FER: variants seen among roughly 807,000 people sequenced by gnomAD.
FER encodes the protein FER tyrosine kinase.
FER carries 63 observed loss-of-function variants against 111.0 expected under a neutral mutation model. The ratio of observed to expected loss-of-function variants is 0.57; its 90% CI spans 0.46 to 0.70. The LOEUF is 0.70. Among genes scored for constraint, FER ranks in the 30% least tolerant of loss-of-function variants. FER has a pLI of 0.00. For synonymous variants in FER, 327 were observed against 313.9 expected (o/e 1.04, Z -0.44); for missense variants, 914 against 954.0 (o/e 0.96, Z 0.55).
intron 9 of FER, among the ~76,000 whole-genome samples, chr5:108,889,671 G>T (rs1377012352): frequency 6.6e-6 from 1 of 151,810 alleles, no homozygotes; most frequent in African/African-American, 2.4e-5. Flanking sequence ...AGTATAATAG[G>T]ATAGTTTATA....
intron 17 of FER, among the ~76,000 whole-genome samples, chr5:109,122,377 T>G (rs1324912549): frequency 6.6e-6 from 1 of 152,218 alleles, no homozygotes. Flanking sequence ...TTGTATAGTT[T>G]CCAAAATTCT....
chr5:108,918,977 T>G (rs1408446767), intron 10 of FER, among the ~76,000 whole-genome samples: 2 of 152,228 alleles, frequency 1.3e-5, no homozygotes, highest in Admixed American at 6.5e-5. Flanking sequence ...AGTTAATTCA[T>G]TAGCTGAGTT....
intron 16 of FER, among the ~76,000 whole-genome samples, chr5:109,074,794 A>G (rs1156609354): frequency 6.6e-6 from 1 of 152,234 alleles, no homozygotes; most frequent in African/African-American, 2.4e-5. Flanking sequence ...GGCATGAATC[A>G]TTTTTCAGAT....
intron 17 of FER, among the ~76,000 whole-genome samples, chr5:109,127,282 A>T (rs1751838147): frequency 6.6e-6 from 1 of 152,210 alleles, no homozygotes; most frequent in African/African-American, 2.4e-5. Context: ...ATTAGAACAT[A>T]TAGTAAAGAG....
intron 10 of FER, among the ~76,000 whole-genome samples, chr5:108,940,107 A>G (rs1756053203): frequency 6.6e-6 from 1 of 152,024 alleles, no homozygotes; most frequent in Non-Finnish European, 1.5e-5. Flanking sequence ...CCACAAAATA[A>G]CACATCAAAC....
intron 3 of FER, among the ~76,000 whole-genome samples, chr5:108,826,628 G>C (rs1161552593): frequency 3.3e-5 from 5 of 152,214 alleles, no homozygotes; most frequent in Admixed American, 1.3e-4. Context: ...GAATTTGGAA[G>C]TGTTCCCTCC....
intron 13 of FER, among the ~76,000 whole-genome samples, chr5:108,989,511 G>T (rs1340331084): frequency 6.6e-6 from 1 of 151,766 alleles, no homozygotes; most frequent in Non-Finnish European, 1.5e-5. Context: ...GAGCTTCCTG[G>T]ATACTTTAAA....
intron 16 of FER, among the ~76,000 whole-genome samples, chr5:109,050,650 G>A (rs1772659665): frequency 6.6e-6 from 1 of 152,200 alleles, no homozygotes; most frequent in Non-Finnish European, 1.5e-5. Context: ...GGTGCAAGTG[G>A]ATGGAAAAAA....
At chr5:108,841,711 C>CTGAA in intron 5 of FER, 1 of 205,658 alleles carries the variant, frequency 4.9e-6, no homozygotes, top group Non-Finnish European at 1.0e-5. Context: ...ATTTAAGCTG[C>CTGAA]TGAACCTGCA....
intron 16 of FER, among the ~76,000 whole-genome samples, chr5:109,095,463 C>T (rs775484126): frequency 6.6e-6 from 1 of 152,094 alleles, no homozygotes; most frequent in Non-Finnish European, 1.5e-5. Flanking sequence ...CTAGAGCCCT[C>T]TCCTGGCTAA....
At chr5:108,928,282 A>G (rs1009414123) in intron 10 of FER, among the ~76,000 whole-genome samples, 7 of 152,156 alleles carry the variant, frequency 4.6e-5, no homozygotes, top group South Asian at 2.1e-4. Context: ...GTAAATATCT[A>G]TATTTTGAAG....
intron 10 of FER, among the ~76,000 whole-genome samples, chr5:108,942,430 A>G (rs1055703426): frequency 5.9e-5 from 9 of 152,164 alleles, no homozygotes; most frequent in Non-Finnish European, 1.2e-4. Flanking sequence ...TGCTTGATTT[A>G]GCAAGGGGGT....
chr5:109,048,842 T>TC (rs1479501926), intron 16 of FER, among the ~76,000 whole-genome samples: 1 of 151,688 alleles, frequency 6.6e-6, no homozygotes, highest in African/African-American at 2.4e-5. Flanking sequence ...GATCTTGCTT[T>TC]TTTTTTCTTA....
chr5:109,109,598 T>C (rs1749353719), intron 17 of FER, among the ~76,000 whole-genome samples: 1 of 152,138 alleles, frequency 6.6e-6, no homozygotes, highest in East Asian at 1.9e-4. Flanking sequence ...GCAAGGCTAC[T>C]TAAGTAGCAA....
At chr5:109,004,762 T>G (rs1380799142) in intron 13 of FER, among the ~76,000 whole-genome samples, 2 of 152,210 alleles carry the variant, frequency 1.3e-5, no homozygotes, top group Non-Finnish European at 2.9e-5. Context: ...CAAAAGTATG[T>G]TGGTTTGGAA....
At chr5:108,921,620 T>C (rs867025993) in intron 10 of FER, among the ~76,000 whole-genome samples, 1 of 152,164 alleles carries the variant, frequency 6.6e-6, no homozygotes, top group South Asian at 2.1e-4. Context: ...CCTGACCGAT[T>C]ATTCTTAGAG....
At chr5:109,040,884 A>G (rs1015436584) in intron 14 of FER, among the ~76,000 whole-genome samples, 3 of 152,182 alleles carry the variant, frequency 2.0e-5, no homozygotes, top group Admixed American at 1.3e-4. Flanking sequence ...TGACTTTAAT[A>G]GAAACACAGT....
intron 4 of FER, among the ~76,000 whole-genome samples, chr5:108,833,734 C>T (rs1348721064): frequency 1.3e-5 from 2 of 152,024 alleles, no homozygotes; most frequent in East Asian, 1.9e-4. Context: ...ATTAGCTGGG[C>T]GTACTGGCGG....
chr5:108,770,132 G>A (rs1221465889), intron 2 of FER, among the ~76,000 whole-genome samples: 6 of 152,176 alleles, frequency 3.9e-5, no homozygotes, highest in African/African-American at 1.4e-4. Flanking sequence ...ATTTTTAGTA[G>A]AGATGAGGTT....
Sources: gnomAD v4.1 joint callset for allele counts (sites outside exome capture counted in the v4.1 genomes callset) on GRCh38, gnomAD v4.1.1 for gene constraint, MANE v1.5 for transcripts, NCBI Gene and HGNC (gene_info 2026-07-23, HGNC 2026-07-21) for gene names.